Variants in LINGO2 observed in about 807,000 individuals in gnomAD.
LINGO2 encodes leucine rich repeat and Ig domain containing 2.
Under a neutral mutation model 30.6 loss-of-function variants are expected in LINGO2, and 14 were observed. The ratio of observed to expected loss-of-function variants is 0.46; its 90% confidence interval spans 0.30 to 0.72. LINGO2 has a LOEUF of 0.72. Among genes scored for constraint, LINGO2 ranks in the 30% least tolerant of loss-of-function variants. The probability of loss-of-function intolerance (pLI) is 0.07; values close to 1 mark genes in which losing one functional copy is unlikely to be tolerated. For synonymous variants in LINGO2, 317 were observed against 288.5 expected (o/e 1.10, Z -1.00); for missense variants, 729 against 751.7 (o/e 0.97, Z 0.35).
chr9:29,015,505 C>CAATATATAAAAATG, the LINGO2 span, among the ~76,000 whole-genome samples: 3 of 151,862 alleles, frequency 2.0e-5, no homozygotes, highest in African/African-American at 7.3e-5. Context: ...CAACTATAGA[C>CAATATATAAAAATG]AATATATAAA....
At chr9:28,520,881 T>C (rs1231630494) in intron 1 of LINGO2, among the ~76,000 whole-genome samples, 1 of 152,218 alleles carries the variant, frequency 6.6e-6, no homozygotes, top group Non-Finnish European at 1.5e-5. Flanking sequence ...TGATAAGCAC[T>C]AATTAGAAAA....
intron 2 of LINGO2, among the ~76,000 whole-genome samples, chr9:28,460,266 T>C (rs1176816915): frequency 6.6e-6 from 1 of 152,194 alleles, no homozygotes; most frequent in Non-Finnish European, 1.5e-5. Context: ...TCACATAAGA[T>C]ATATCTCTTC....
At chr9:27,985,171 C>G (rs1165658721) in intron 5 of LINGO2, among the ~76,000 whole-genome samples, 2 of 151,898 alleles carry the variant, frequency 1.3e-5, no homozygotes, top group Non-Finnish European at 2.9e-5. Flanking sequence ...TAGTTTCTCA[C>G]TCTTCACAAC....
chr9:29,054,624 T>C, the LINGO2 span, among the ~76,000 whole-genome samples: 5 of 152,178 alleles, frequency 3.3e-5, no homozygotes, highest in African/African-American at 7.2e-5. Flanking sequence ...TTCACAATTA[T>C]GTAACATGAA....
At chr9:28,561,599 A>G (rs150260809) in intron 1 of LINGO2, among the ~76,000 whole-genome samples, 265 of 114,090 alleles carry the variant, frequency 2.3e-3, no homozygotes, top group African/African-American at 5.5e-3. Context: ...TATTATATAT[A>G]AATGTATTAT....
chr9:28,983,318 C>A, the LINGO2 span, among the ~76,000 whole-genome samples: 77 of 130,908 alleles, frequency 5.9e-4, no homozygotes, highest in African/African-American at 9.6e-4. Flanking sequence ...ATGAGGTATC[C>A]AAAAAAAAAA....
At chr9:28,816,238 A>G in the LINGO2 span, among the ~76,000 whole-genome samples, 1 of 152,220 alleles carries the variant, frequency 6.6e-6, no homozygotes, top group Non-Finnish European at 1.5e-5. Context: ...TTACCAACAC[A>G]TGAACTTTGG....
the LINGO2 span, among the ~76,000 whole-genome samples, chr9:29,094,422 A>G: frequency 7.2e-6 from 1 of 139,058 alleles, no homozygotes; most frequent in Non-Finnish European, 1.6e-5. Flanking sequence ...GAGTAGCAAA[A>G]TGTAATATTG....
At chr9:29,002,925 G>C in the LINGO2 span, among the ~76,000 whole-genome samples, 2 of 151,896 alleles carry the variant, frequency 1.3e-5, no homozygotes, top group South Asian at 4.1e-4. Flanking sequence ...GGAAACTGTG[G>C]GTCTTTGAAG....
chr9:28,685,015 T>G, the LINGO2 span, among the ~76,000 whole-genome samples: 1 of 152,132 alleles, frequency 6.6e-6, no homozygotes, highest in South Asian at 2.1e-4. Context: ...CCAGTGTCTG[T>G]CGTTCCCCTC....
the LINGO2 span, among the ~76,000 whole-genome samples, chr9:29,105,583 G>T: frequency 1.3e-5 from 2 of 152,130 alleles, no homozygotes; most frequent in African/African-American, 4.8e-5. Context: ...AGTATGGGAA[G>T]GACCTGTGAT....
the LINGO2 span, among the ~76,000 whole-genome samples, chr9:29,189,518 A>C: frequency 6.7e-6 from 1 of 149,080 alleles, no homozygotes; most frequent in African/African-American, 2.5e-5. Flanking sequence ...GGTGCTCCCC[A>C]CATCTCAGAC....
At chr9:28,026,236 G>A (rs906450148) in intron 4 of LINGO2, among the ~76,000 whole-genome samples, 1 of 151,986 alleles carries the variant, frequency 6.6e-6, no homozygotes, top group South Asian at 2.1e-4. Context: ...TTATTACTCG[G>A]GTAATTTTTG....
intron 4 of LINGO2, among the ~76,000 whole-genome samples, chr9:28,122,131 T>A (rs1475149762): frequency 6.6e-6 from 1 of 152,176 alleles, no homozygotes; most frequent in African/African-American, 2.4e-5. Context: ...TGTGTCCAAC[T>A]GTCTTGAGAC....
chr9:28,554,256 C>A (rs12380028), intron 1 of LINGO2, among the ~76,000 whole-genome samples: 1 of 151,332 alleles, frequency 6.6e-6, no homozygotes, highest in Non-Finnish European at 1.5e-5. Flanking sequence ...GGAAACCCAT[C>A]TCACGTGCAG....
chr9:29,099,646 T>C, the LINGO2 span, among the ~76,000 whole-genome samples: 1,247 of 152,286 alleles, frequency 8.2e-3, 6 homozygotes, highest in Non-Finnish European at 0.012. Flanking sequence ...CTCAACATCA[T>C]TGATCATCAG....
intron 1 of LINGO2, among the ~76,000 whole-genome samples, chr9:28,541,824 T>C (rs1453196216): frequency 1.3e-5 from 2 of 152,152 alleles, no homozygotes; most frequent in African/African-American, 4.8e-5. Context: ...CAGAGCTGAA[T>C]CTTGATTAGA....
the LINGO2 span, among the ~76,000 whole-genome samples, chr9:28,911,461 C>T: frequency 0.9 from 136,125 of 151,950 alleles, 61,259 homozygotes; most frequent in Non-Finnish European, 0.94. Flanking sequence ...CTTTGATCAA[C>T]ATCCATTTTT....
At chr9:28,315,009 CAA>C (rs10715487) in intron 3 of LINGO2, among the ~76,000 whole-genome samples, 141 of 120,514 alleles carry the variant, frequency 1.2e-3, no homozygotes, top group African/African-American at 1.3e-3. Flanking sequence ...GACTACGTCT[CAA>C]AAAAAAAAAA....
Sources: gnomAD v4.1 joint callset for allele counts (sites outside exome capture counted in the v4.1 genomes callset) on GRCh38, gnomAD v4.1.1 for gene constraint, MANE v1.5 for transcripts, NCBI Gene and HGNC (gene_info 2026-07-23, HGNC 2026-07-21) for gene names.